Variants in NALCN observed in about 807,000 individuals in gnomAD.
NALCN encodes the protein sodium leak channel, non-selective.
A neutral mutation model predicts 225.3 loss-of-function variants in NALCN; 111 were observed. The ratio of observed to expected loss-of-function variants is 0.49; its 90% CI spans 0.42 to 0.58. NALCN has a LOEUF of 0.58. Among genes scored for constraint, NALCN ranks in the 20% least tolerant of loss-of-function variants. NALCN has a pLI of 0.00. For missense variants in NALCN, 1,378 were observed against 2,202.4 expected, an observed-to-expected ratio of 0.63 and a Z score of 7.49; for synonymous variants, 764 against 769.0, an observed-to-expected ratio of 0.99 and a Z score of 0.11.
chr13:101,372,376 CA>C (rs1409824172), intron 6 of NALCN, among the ~76,000 whole-genome samples: 1 of 152,134 alleles, frequency 6.6e-6, no homozygotes, highest in African/African-American at 2.4e-5. Context: ...ATATTATACT[CA>C]AAAACTGCAG....
At chr13:101,110,494 T>G in intron 20 of NALCN, 125 bp downstream of exon 20, 1 of 987,652 alleles carries the variant, frequency 1.0e-6, no homozygotes, top group Non-Finnish European at 1.5e-6. Flanking sequence ...CCTGATTCCC[T>G]CTGGTATGAA....
intron 40 of NALCN, among the ~76,000 whole-genome samples, 195 bp from the exon 41 acceptor site, chr13:101,062,313 A>ATGAT (rs1374889750): frequency 2.6e-5 from 4 of 152,272 alleles, no homozygotes; most frequent in African/African-American, 7.2e-5. Flanking sequence ...TAAAACAAAG[A>ATGAT]TGATAGATAG....
At chr13:101,227,768 G>A (rs1279509364) in intron 13 of NALCN, among the ~76,000 whole-genome samples, 2 of 152,156 alleles carry the variant, frequency 1.3e-5, no homozygotes, top group Non-Finnish European at 2.9e-5. Context: ...TGGCATGACA[G>A]ATACGATCAC....
chr13:101,083,698 G>A lies in NALCN; in HGVS notation c.3583+13C>T. 1 of 1,611,606 alleles carries A rather than the reference G, an allele frequency of 6.2e-7. No homozygotes were observed. Among genetic ancestry groups the A allele is most frequent in the South Asian group, 1.1e-5 (1 of 91,020 alleles). On this transcript the variant is annotated intron_variant, in intron 31 of 43. Transcript: ENST00000251127. ...AGTGCCCAACATGAATAAAATCAGA[G>A]CATTTTGGGTACCCGGGCGAGGCGG...
chr13:101,124,768 A>C lies in NALCN; in HGVS notation c.2119-87T>G, dbSNP rs952535017. On this transcript the variant is annotated intron_variant, in intron 17 of 43. Coordinates refer to ENST00000251127, the MANE Select transcript of NALCN (RefSeq NM_052867.4). ...TCATTCAATAGATGACATTGTTAAA[A>C]CATGAAACATGAATATGTTTCGCTA... The C allele has an allele frequency of 1.2e-5, 13 of 1,051,610 alleles. No homozygotes were observed. In the African/African-American group the frequency reaches 1.7e-4, roughly 14 times the overall value. 65.1% of individuals were successfully genotyped at this position (1,051,610 alleles called of 1,614,324 possible). A position where few individuals can be genotyped will look rare whatever the true frequency, so the allele number is the denominator to read the frequency against.
chr13:101,076,042 T>A, intron 34 of NALCN, 101 bp from the exon 35 acceptor site: 1 of 836,694 alleles, frequency 1.2e-6, no homozygotes, highest in Middle Eastern at 2.4e-4. Flanking sequence ...ATAATTAGCT[T>A]AATATGTGTA....
intron 17 of NALCN, among the ~76,000 whole-genome samples, chr13:101,128,196 C>T (rs1360265811): frequency 1.3e-5 from 2 of 152,172 alleles, no homozygotes; most frequent in Non-Finnish European, 2.9e-5. Context: ...AGATTTTCTT[C>T]GGTTTTGTTT....
intron 13 of NALCN, among the ~76,000 whole-genome samples, chr13:101,199,007 G>A (rs1206090340): frequency 2.0e-5 from 3 of 151,944 alleles, no homozygotes; most frequent in African/African-American, 4.8e-5. Flanking sequence ...GGATGAAGCT[G>A]GAAACTATCA....
chr13:101,397,693 ATAT>A (rs1472543496), intron 2 of NALCN, among the ~76,000 whole-genome samples: 3 of 151,864 alleles, frequency 2.0e-5, no homozygotes, highest in African/African-American at 7.2e-5. Flanking sequence ...AAATATATGT[ATAT>A]TATATAAATA....
At chr13:101,401,288 G>C (rs79500212) in intron 1 of NALCN, among the ~76,000 whole-genome samples, 2,073 of 152,084 alleles carry the variant, frequency 0.014, 31 homozygotes, top group South Asian at 0.066. Flanking sequence ...AGTATTTAAA[G>C]TGTTTTTTTT....
Position 101,104,286 on chromosome 13 carries a change from A to G in NALCN, c.2889+9T>C. ...ACATTTTTCATTTAGGCAATAAGCAAAGACTTACAAGATATATAAATATGT... is the reference window on the plus strand; with the variant it reads ...ACATTTTTCATTTAGGCAATAAGCAGAGACTTACAAGATATATAAATATGT... On this transcript the variant is annotated intron_variant, in intron 25 of 43. Transcript: ENST00000251127. This position sits in a 1 kb window ranked among gnomAD's most constrained non-coding sequence, Gnocchi z 4.2. 6.3e-7 allele frequency: 1 copy of G among 1,582,442 alleles called. No homozygotes were observed. The highest frequency in any genetic ancestry group is 8.5e-7 in the Non-Finnish European group (1 of 1,169,738).
At chr13:101,368,930 TG>T in intron 6 of NALCN, 1 of 260,544 alleles carries the variant, frequency 3.8e-6, no homozygotes, top group Non-Finnish European at 7.9e-6. Flanking sequence ...CTCTTGAACC[TG>T]GGAGATGGAT....
chr13:101,265,436 C>A (rs537203360), intron 10 of NALCN, among the ~76,000 whole-genome samples: 42 of 152,232 alleles, frequency 2.8e-4, no homozygotes, highest in African/African-American at 9.6e-4. Context: ...AGTCCAACCT[C>A]AAGCAGAACA....
At chr13:101,345,127 C>A in intron 7 of NALCN, 139 bp downstream of exon 7, 1 of 851,486 alleles carries the variant, frequency 1.2e-6, no homozygotes, top group Non-Finnish European at 1.7e-6. Flanking sequence ...ATAAAATAGG[C>A]ATAGAATTAA....
chr13:101,150,158 T>TA (rs1566346392), intron 15 of NALCN, among the ~76,000 whole-genome samples: 28 of 151,650 alleles, frequency 1.8e-4, no homozygotes, highest in South Asian at 6.2e-4. Flanking sequence ...CATACTGTTG[T>TA]ATGTACTCCA....
intron 14 of NALCN, among the ~76,000 whole-genome samples, chr13:101,189,924 C>A (rs959832154): frequency 3.3e-5 from 5 of 152,080 alleles, no homozygotes; most frequent in Non-Finnish European, 7.4e-5. Context: ...CCCCAGGAGT[C>A]CTTGGATGAA....
At chr13:101,408,183 T>C (rs1406015118) in intron 1 of NALCN, among the ~76,000 whole-genome samples, 1 of 152,184 alleles carries the variant, frequency 6.6e-6, no homozygotes, top group Non-Finnish European at 1.5e-5. Context: ...ACAGTCTTCT[T>C]TCCCAGAGAA....
chr13:101,058,250 C>T (rs776198834), intron 42 of NALCN, 194 bp from the exon 43 acceptor site: 7 of 560,206 alleles, frequency 1.2e-5, no homozygotes, highest in Non-Finnish European at 1.9e-5. Flanking sequence ...GCACGCCCTG[C>T]TGAAGGAGAC....
chr13:101,209,043 G>T (rs1405737230), intron 13 of NALCN, among the ~76,000 whole-genome samples: 1 of 152,022 alleles, frequency 6.6e-6, no homozygotes, highest in Non-Finnish European at 1.5e-5. Context: ...TTTCTTGTTG[G>T]TTCTCATCAA....
Sources: allele counts gnomAD v4.1 joint callset (sites outside exome capture counted in the v4.1 genomes callset), GRCh38; gene constraint gnomAD v4.1.1; non-coding constraint Gnocchi (gnomAD v3.1); transcripts MANE v1.5; gene names NCBI Gene and HGNC (gene_info 2026-07-23, HGNC 2026-07-21).